The following SF1 variants were observed in gnomAD, a reference collection of about 807,000 sequenced individuals.
SF1 encodes the protein splicing factor 1, also known as branch point-binding protein.
Under a neutral mutation model 62.5 loss-of-function variants are expected in SF1, and 7 were observed. The ratio of observed to expected loss-of-function variants is 0.11; its 90% CI spans 0.06 to 0.21. The LOEUF (loss-of-function observed/expected upper bound fraction) is 0.21, where lower values mean the gene tolerates loss of function less well. Among genes scored for constraint, SF1 ranks in the 10% least tolerant of loss-of-function variants. The probability of loss-of-function intolerance (pLI) is 1.00; values close to 1 mark genes in which losing one functional copy is unlikely to be tolerated. For synonymous variants in SF1, 394 were observed against 323.6 expected, an observed-to-expected ratio of 1.22 and a Z score of -2.33; for missense variants, 578 against 884.0, an observed-to-expected ratio of 0.65 and a Z score of 4.39.
chr11:64,767,959 A>G, intron 9 of SF1, 115 bp from the exon 10 acceptor site: 1 of 1,479,074 alleles, frequency 6.8e-7, no homozygotes, highest in Non-Finnish European at 9.1e-7. Flanking sequence ...CGAAGTGAGA[A>G]GTCCCCAAAC....
In SF1 at chr11:64,776,759, A is replaced by G. The variant is rs997113585; in HGVS notation, c.32-133T>C. On this transcript the variant is annotated intron_variant, in intron 1 of 12. Transcript: ENST00000377390. ...GAGCTTAACCTAAAACTTAAACATT[A>G]AAAAAACAGAAAACAAACCTCAGAG... 5 of 799,032 alleles carry G rather than the reference A, an allele frequency of 6.3e-6. No homozygotes were observed. The East Asian group carries it at 1.4e-4, about 23-fold the overall frequency. The allele number at this position is 799,032 out of a possible 1,614,324, so 49.5% of individuals were successfully genotyped here. A position where few individuals can be genotyped will look rare whatever the true frequency, so the allele number is the denominator to read the frequency against.
Position 64,773,134 on chromosome 11 carries a change from C to G in SF1, c.236+296G>C, listed in dbSNP as rs185310111. Reference sequence around the variant, plus strand: ...CTGAAAAGGCAGGTTAACGGGCCACCTCACTGTCCCCTAAGGGTGGGTAAA... The same window carrying G: ...CTGAAAAGGCAGGTTAACGGGCCACGTCACTGTCCCCTAAGGGTGGGTAAA... On this transcript the variant is annotated intron_variant, in intron 3 of 12. Transcript: ENST00000377390. 5.8e-6 allele frequency: 7 copies of G among 1,209,950 alleles called. No individual in the cohort carries two copies. The Admixed American group carries it at 3.2e-4, about 56-fold the overall frequency. The allele number at this position is 1,209,950 out of a possible 1,614,324, so 75.0% of individuals were successfully genotyped here. A position where few individuals can be genotyped will look rare whatever the true frequency, so the allele number is the denominator to read the frequency against.
rs948776905 is a variant in SF1, at chr11:64,766,951, G to C, written c.1531C>G (p.Pro511Ala). Residue 511 changes from proline (P) to alanine (A), a missense_variant, in exon 12 of 13, where the codon CCT becomes GCT. Physicochemically the swap from Pro to Ala is conservative, Grantham distance 27. Transcript: ENST00000377390. ...QQQQQQPPPP[P>A]PPSSSMASST... ...GAAGCCATACTGCTGCTGGGCGGAGGGGGTGGCGGAGGCTGCTGCTGCTGT... is the reference window on the plus strand; with the variant it reads ...GAAGCCATACTGCTGCTGGGCGGAGCGGGTGGCGGAGGCTGCTGCTGCTGT... 1 of 1,497,432 alleles carries C rather than the reference G, an allele frequency of 6.7e-7. No individual in the cohort carries two copies. The highest frequency in any genetic ancestry group is 8.9e-7 in the Non-Finnish European group (1 of 1,123,532). 92.8% of individuals were successfully genotyped at this position (1,497,432 alleles called of 1,614,324 possible).
intron 1 of SF1, chr11:64,777,920 C>T (rs1434511437): frequency 1.1e-5 from 11 of 966,126 alleles, no homozygotes; most frequent in Non-Finnish European, 1.4e-5. Context: ...GTCGCCGCCG[C>T]CGCGCGCCCC....
intron 8 of SF1, 61 bp downstream of exon 8, chr11:64,768,961 G>A: frequency 9.3e-7 from 1 of 1,070,782 alleles, no homozygotes; most frequent in Non-Finnish European, 1.5e-6. Flanking sequence ...CAATGAATGT[G>A]CCAGAAAAGT....
rs1167826578 is a variant in SF1, at chr11:64,769,302, C to A, written c.700G>T (p.Glu234Ter). Residue 234 changes from glutamate (E) to a stop codon, truncating the protein, a stop_gained, in exon 7 of 13, where the codon GAG becomes TAG. Transcript: ENST00000377390. LOFTEE classifies it high-confidence loss of function. The part of the protein sequence containing the change: ...NILKQGIETP[E>*]DQNDLRKMQL... ...ATCTTCCGTAGATCATTCTGGTCCTCTGGAGTCTCGATACCCTGCTTCAGG... is the reference window on the plus strand; with the variant it reads ...ATCTTCCGTAGATCATTCTGGTCCTATGGAGTCTCGATACCCTGCTTCAGG... The A allele has an allele frequency of 6.2e-7, 1 of 1,614,084 alleles. No individual in the cohort carries two copies. The highest frequency in any genetic ancestry group is 1.3e-5 in the African/African-American group (1 of 74,922).
chr11:64,767,280 G>A (rs900312137), intron 10 of SF1, 29 bp from the exon 11 acceptor site: 1 of 1,610,234 alleles, frequency 6.2e-7, no homozygotes, highest in Admixed American at 1.7e-5. Flanking sequence ...CAGGGACTTA[G>A]CAGGACATTG....
Position 64,768,630 on chromosome 11 carries a change from G to A in SF1, c.888-344C>T, listed in dbSNP as rs143569046. 2.9e-3 allele frequency among the ~76,000 whole-genome samples: 445 copies of A among 152,366 alleles called. 1 individual carries two copies. Among genetic ancestry groups the A allele is most frequent in the African/African-American group, 0.01 (430 of 41,578 alleles). ...CTATGCAAGACTGGCACAACTGCCA[G>A]AACGAACTTCCTAAACAAAACCTTA... is the stretch of plus-strand genomic sequence containing the variant. On this transcript the variant is annotated intron_variant, in intron 8 of 12. Transcript: ENST00000377390.
In SF1 at chr11:64,778,161, G is replaced by A. The variant is rs1374187297; in HGVS notation, c.31+201C>T. On this transcript the variant is annotated intron_variant, in intron 1 of 12. Transcript: ENST00000377390. ...GGCGGCGGCGGCTGCTGGGGAGGCGGAGGGGGCGGCGGCGGAGGCGGCGGA... is the reference window on the plus strand; with the variant it reads ...GGCGGCGGCGGCTGCTGGGGAGGCGAAGGGGGCGGCGGCGGAGGCGGCGGA... 36 of 886,230 alleles carry A rather than the reference G, an allele frequency of 4.1e-5. No individual in the cohort carries two copies. The Admixed American group carries it at 1.7e-3, about 41-fold the overall frequency. The allele number at this position is 886,230 out of a possible 1,614,324, so 54.9% of individuals were successfully genotyped here. A position where few individuals can be genotyped will look rare whatever the true frequency, so the allele number is the denominator to read the frequency against.
At chr11:64,776,908 A>G (rs1380522493) in intron 1 of SF1, among the ~76,000 whole-genome samples, 2 of 152,196 alleles carry the variant, frequency 1.3e-5, no homozygotes, top group Non-Finnish European at 2.9e-5. Flanking sequence ...CTTAATGCAT[A>G]TGGCTGCAGA....
intron 1 of SF1, 109 bp from the exon 2 acceptor site, chr11:64,776,735 A>C (rs1187182831): frequency 9.5e-7 from 1 of 1,052,692 alleles, no homozygotes; most frequent in Non-Finnish European, 1.4e-6. Context: ...TGAAGCTGAG[A>C]GCTTAACCTA....
chr11:64,765,574 C>G lies in SF1; in HGVS notation c.*244G>C. 6.4e-7 allele frequency: 1 copy of G among 1,553,462 alleles called. No homozygotes were observed. Among genetic ancestry groups the G allele is most frequent in the Non-Finnish European group, 8.7e-7 (1 of 1,154,076 alleles). On this transcript the variant is annotated 3_prime_UTR_variant, in exon 13 of 13. Coordinates refer to ENST00000377390, the MANE Select transcript of SF1 (RefSeq NM_004630.4). ...GAGTTGGGTGAGGAGAGAAAGAAGACAAAGAAGACACTCGATGCTACGGGG... is the reference window on the plus strand; with the variant it reads ...GAGTTGGGTGAGGAGAGAAAGAAGAGAAAGAAGACACTCGATGCTACGGGG...
Position 64,765,232 on chromosome 11 carries a change from A to C in SF1, c.*586T>G. ...GGAAGGAGAACTGGAGAGAAGGGAA[A>C]GGAATCTAAATTGCAGCAGAAGACC... is the stretch of plus-strand genomic sequence containing the variant. On this transcript the variant is annotated 3_prime_UTR_variant, in exon 13 of 13. Coordinates refer to ENST00000377390, the MANE Select transcript of SF1 (RefSeq NM_004630.4). 1 of 461,350 alleles carries C rather than the reference A, an allele frequency of 2.2e-6. No individual in the cohort carries two copies. Among genetic ancestry groups the C allele is most frequent in the East Asian group, 3.5e-5 (1 of 28,266 alleles). The allele number at this position is 461,350 out of a possible 1,614,324, so 28.6% of individuals were successfully genotyped here. A position where few individuals can be genotyped will look rare whatever the true frequency, so the allele number is the denominator to read the frequency against.
intron 2 of SF1, among the ~76,000 whole-genome samples, chr11:64,774,783 C>A (rs1938891508): frequency 1.3e-5 from 2 of 151,966 alleles, no homozygotes; most frequent in South Asian, 2.1e-4. Flanking sequence ...CATGGTGAAA[C>A]CCCGTCTCTA....
At chr11:64,778,308 C>T (rs1447545224) in intron 1 of SF1, 54 bp downstream of exon 1, 7 of 1,221,768 alleles carry the variant, frequency 5.7e-6, no homozygotes, top group Non-Finnish European at 7.1e-6. Flanking sequence ...GGGCCCGGCT[C>T]GAAGCCTCCT....
At chr11:64,777,920 C>G (rs1434511437) in intron 1 of SF1, 2 of 966,230 alleles carry the variant, frequency 2.1e-6, no homozygotes, top group Non-Finnish European at 2.5e-6. Flanking sequence ...GTCGCCGCCG[C>G]CGCGCGCCCC....
At position 64,767,591 on chromosome 11, in the gene SF1, T is replaced by C. The variant is rs1430617733; in HGVS notation, c.1322A>G (p.His441Arg). Residue 441 changes from histidine (H) to arginine (R), a missense_variant, in exon 10 of 13, where the codon CAC (histidine) becomes CGC (arginine). By Grantham distance (29) the His-to-Arg change is conservative. This residue lies in a region of SF1 where 410 missense variants were observed against 452.4 expected (regional missense o/e 0.91). Transcript: ENST00000377390. ...PMNQGPHPPG[H>R]HGPPPMDQYL... ...CTTACCCATTGGAGGAGGGCCATGG[T>C]GCCCAGGAGGGTGGGGGCCCTGGTT... 6.4e-7 allele frequency: 1 copy of C among 1,565,362 alleles called. No individual in the cohort carries two copies. Among genetic ancestry groups the C allele is most frequent in the Non-Finnish European group, 8.6e-7 (1 of 1,158,954 alleles).
At chr11:64,771,847 C>CA in intron 3 of SF1, 1 of 985,396 alleles carries the variant, frequency 1.0e-6, no homozygotes, top group Non-Finnish European at 1.2e-6. Flanking sequence ...AAAACCCATG[C>CA]ATTTCCCTCC....
At chr11:64,771,117 C>A (rs1938250605) in intron 3 of SF1, among the ~76,000 whole-genome samples, 1 of 152,204 alleles carries the variant, frequency 6.6e-6, no homozygotes, top group Non-Finnish European at 1.5e-5. Context: ...CAGATTTGGT[C>A]ATACTTGTCT....
Sources: allele counts gnomAD v4.1 joint callset (sites outside exome capture counted in the v4.1 genomes callset), GRCh38; gene constraint gnomAD v4.1.1; regional missense constraint gnomAD v4.1.1; transcripts MANE v1.5; gene names NCBI Gene and HGNC (gene_info 2026-07-23, HGNC 2026-07-21).